Variants in ZDHHC8 observed in about 807,000 individuals in gnomAD.
The protein encoded by ZDHHC8 is zDHHC palmitoyltransferase 8.
In ZDHHC8, 24 loss-of-function variants were observed where a neutral mutation model predicts 61.2. That is an observed-to-expected ratio of 0.39 (90% CI 0.28 to 0.55). The LOEUF is 0.55. ZDHHC8 is among the 20% of genes least tolerant of loss of function. The pLI, the probability that ZDHHC8 is intolerant of heterozygous loss-of-function variation, is 0.60. For missense variants in ZDHHC8, 935 were observed against 1,102.1 expected, an observed-to-expected ratio of 0.85 and a Z score of 2.15; for synonymous variants, 523 against 492.5, an observed-to-expected ratio of 1.06 and a Z score of -0.82.
chr22:20,138,336 A>G (rs2050438757), intron 1 of ZDHHC8, among the ~76,000 whole-genome samples: 1 of 152,226 alleles, frequency 6.6e-6, no homozygotes, highest in Non-Finnish European at 1.5e-5. Context: ...GCCTGAGGCC[A>G]GAGGGGCTTC....
At chr22:20,140,249 A>G (rs1227388824) in intron 5 of ZDHHC8, 32 bp downstream of exon 5, 2 of 1,595,678 alleles carry the variant, frequency 1.3e-6, no homozygotes, top group Admixed American at 1.7e-5. Context: ...GGTGGCCCCA[A>G]AGGGCCGAGA....
Position 20,131,859 on chromosome 22 carries a change from C to T in ZDHHC8, c.-89C>T, listed in dbSNP as rs1439734958. 10 of 366,586 alleles carry T rather than the reference C, an allele frequency of 2.7e-5. No homozygotes were observed. Among genetic ancestry groups the T allele is most frequent in the Admixed American group, 6.7e-5 (1 of 15,014 alleles). The allele number at this position is 366,586 out of a possible 1,614,324, so 22.7% of individuals were successfully genotyped here. A position where few individuals can be genotyped will look rare whatever the true frequency, so the allele number is the denominator to read the frequency against. On this transcript the variant is annotated 5_prime_UTR_variant, in exon 1 of 11. Coordinates refer to ENST00000334554, the MANE Select transcript of ZDHHC8 (RefSeq NM_013373.4). The stretch of plus-strand genomic sequence containing the variant: ...CGCCGCCGCCGCGGGTCCTGCGCCG[C>T]GTCCAGCCCGCCCGCCCGACCCCGG...
At chr22:20,141,114 C>A in intron 7 of ZDHHC8, 102 bp downstream of exon 7, 2 of 1,588,774 alleles carry the variant, frequency 1.3e-6, no homozygotes, top group South Asian at 1.1e-5. Flanking sequence ...CAGACAGAGC[C>A]GTAGACAGAT....
rs1178677300 is a variant in ZDHHC8 at position 20,143,596 on chromosome 22, C to T, written c.1966C>T (p.Pro656Ser). 1.2e-6 allele frequency: 2 copies of T among 1,601,234 alleles called. No individual in the cohort carries two copies. The highest frequency in any genetic ancestry group is 1.7e-6 in the Non-Finnish European group (2 of 1,178,206). Residue 656 changes from proline to serine, a missense_variant, in exon 10 of 11, where the codon CCG (proline) becomes TCG (serine). Pro to Ser is a moderately conservative substitution (Grantham distance 74). Transcript: ENST00000334554. ...GGCTGATCAGGCCAGCAGCAACGCCCCGGGGCCCCGGCCCAGCAGTGGCTC... is the reference window on the plus strand; with the variant it reads ...GGCTGATCAGGCCAGCAGCAACGCCTCGGGGCCCCGGCCCAGCAGTGGCTC... The part of the protein sequence containing the change: ...LQADQASSNA[P>S]GPRPSSGSHR...
rs2050545970 is a variant in ZDHHC8, at chr22:20,147,907, A to G, written c.*2507A>G. 6.6e-6 allele frequency: 1 copy of G among 152,296 alleles called. No individual in the cohort carries two copies. The highest frequency in any genetic ancestry group is 1.5e-5 in the Non-Finnish European group (1 of 68,094). 9.4% of individuals were successfully genotyped at this position (152,296 alleles called of 1,614,324 possible). A position where few individuals can be genotyped will look rare whatever the true frequency, so the allele number is the denominator to read the frequency against. ...GGTCCACCCTGGGCTGTGGCTCTAC[A>G]TCTCCCATTTGGGGACGAGAAAGCC... On this transcript the variant is annotated 3_prime_UTR_variant, in exon 11 of 11. Coordinates refer to ENST00000334554, the MANE Select transcript of ZDHHC8 (RefSeq NM_013373.4).
At chr22:20,138,434 G>A (rs985517706) in intron 1 of ZDHHC8, among the ~76,000 whole-genome samples, 1 of 152,232 alleles carries the variant, frequency 6.6e-6, no homozygotes, top group African/African-American at 2.4e-5. Flanking sequence ...ACTCGGGCCA[G>A]GCCCGTTAAG....
Position 20,145,563 on chromosome 22 carries a change from C to G in ZDHHC8, c.*163C>G. On this transcript the variant is annotated 3_prime_UTR_variant, in exon 11 of 11. Coordinates refer to ENST00000334554, the MANE Select transcript of ZDHHC8 (RefSeq NM_013373.4). The stretch of plus-strand genomic sequence containing the variant: ...CCACGCCTCCACAGCTTGCCCCAAG[C>G]GCTCTGCCTGCCCGTCCACTCATCT... 1 of 1,281,200 alleles carries G rather than the reference C, an allele frequency of 7.8e-7. No homozygotes were observed. The highest frequency in any genetic ancestry group is 9.9e-7 in the Non-Finnish European group (1 of 1,013,600). 79.4% of individuals were successfully genotyped at this position (1,281,200 alleles called of 1,614,324 possible).
intron 1 of ZDHHC8, among the ~76,000 whole-genome samples, chr22:20,135,121 G>GT (rs76904323): frequency 0.043 from 6,423 of 150,510 alleles, 182 homozygotes; most frequent in South Asian, 0.1. Context: ...TTGTTTTTTT[G>GT]TTTTTTTTTA....
intron 1 of ZDHHC8, among the ~76,000 whole-genome samples, chr22:20,133,954 C>T (rs563344575): frequency 2.8e-4 from 43 of 152,274 alleles, no homozygotes; most frequent in African/African-American, 1.0e-3. Flanking sequence ...GTGAACCTGA[C>T]CCAGCCCTAG....
At chr22:20,137,962 C>T (rs1283826871) in intron 1 of ZDHHC8, among the ~76,000 whole-genome samples, 1 of 152,252 alleles carries the variant, frequency 6.6e-6, no homozygotes, top group Non-Finnish European at 1.5e-5. Context: ...GGAAGGGTAA[C>T]TTGGGCTCCC....
intron 4 of ZDHHC8, 72 bp downstream of exon 4, chr22:20,139,964 G>C (rs1490574676): frequency 1.9e-6 from 3 of 1,596,336 alleles, no homozygotes; most frequent in Non-Finnish European, 2.6e-6. Context: ...GGGAGATTGA[G>C]CCTCAGAAGG....
chr22:20,141,256 G>A lies in ZDHHC8; in HGVS notation c.934G>A (p.Asp312Asn), dbSNP rs753527206. The A allele has an allele frequency of 1.9e-6, 3 of 1,612,710 alleles. No homozygotes were observed. The highest frequency in any genetic ancestry group is 3.3e-5 in the Admixed American group (2 of 60,006). ...SLDRLDEKPL[D>N]LGPPLPPKIE... Reference sequence around the variant, plus strand: ...GGACCGGCTGGATGAGAAGCCACTGGACTTGGGGCCACCACTGCCCCCCAA... The same window carrying A: ...GGACCGGCTGGATGAGAAGCCACTGAACTTGGGGCCACCACTGCCCCCCAA... The change falls in exon 8 of 11, where the codon GAC (aspartate) becomes AAC (asparagine). Residue 312 changes from aspartate to asparagine, a missense_variant. Coordinates refer to ENST00000334554, the MANE Select transcript of ZDHHC8 (RefSeq NM_013373.4).
At chr22:20,136,697 T>C (rs1187996529) in intron 1 of ZDHHC8, among the ~76,000 whole-genome samples, 1 of 152,252 alleles carries the variant, frequency 6.6e-6, no homozygotes, top group Non-Finnish European at 1.5e-5. Flanking sequence ...CGTGTGCATG[T>C]CTGCATGCAA....
chr22:20,134,377 G>A (rs1173066681), intron 1 of ZDHHC8, among the ~76,000 whole-genome samples: 1 of 152,214 alleles, frequency 6.6e-6, no homozygotes, highest in East Asian at 1.9e-4. Flanking sequence ...GGGTTCTGTT[G>A]GGTCGGCTGG....
Position 20,146,176 on chromosome 22 carries a change from G to A in ZDHHC8, c.*776G>A. On this transcript the variant is annotated 3_prime_UTR_variant, in exon 11 of 11. Coordinates refer to ENST00000334554, the MANE Select transcript of ZDHHC8 (RefSeq NM_013373.4). ...CGGGAGCAGGCACGGGGGTGATGCT[G>A]CCACAGGGGGCTGGTGACACCCAGA... The A allele has an allele frequency of 2.0e-6, 2 of 985,654 alleles. No homozygotes were observed. Among genetic ancestry groups the A allele is most frequent in the South Asian group, 4.7e-5 (1 of 21,298 alleles). The allele number at this position is 985,654 out of a possible 1,614,324, so 61.1% of individuals were successfully genotyped here.
Position 20,139,716 on chromosome 22 carries a change from C to T in ZDHHC8, c.385-4C>T, listed in dbSNP as rs775675450. On this transcript the variant is annotated splice_region_variant and splice_polypyrimidine_tract_variant and intron_variant, in intron 3 of 10. Transcript: ENST00000334554. ...ATGTGCCCTGATGCACTGCTCCCGCCCAGGACTTTGACCACCACTGCCCCT... is the reference window on the plus strand; with the variant it reads ...ATGTGCCCTGATGCACTGCTCCCGCTCAGGACTTTGACCACCACTGCCCCT... 1 of 1,612,226 alleles carries T rather than the reference C, an allele frequency of 6.2e-7. No homozygotes were observed. Among genetic ancestry groups the T allele is most frequent in the Non-Finnish European group, 8.5e-7 (1 of 1,179,994 alleles).
At position 20,146,014 on chromosome 22, in the gene ZDHHC8, C is replaced by T. The variant is rs531895806; in HGVS notation, c.*614C>T. 9 of 985,992 alleles carry T rather than the reference C, an allele frequency of 9.1e-6. No homozygotes were observed. Among genetic ancestry groups the T allele is most frequent in the East Asian group, 1.1e-4 (1 of 8,818 alleles). 61.1% of individuals were successfully genotyped at this position (985,992 alleles called of 1,614,324 possible). Reference sequence around the variant, plus strand: ...AGCCAGCCAGCTGTGGCCGGGGGCCCGGCTCCATGTGTCCCGTGTCTGTGT... The same window carrying T: ...AGCCAGCCAGCTGTGGCCGGGGGCCTGGCTCCATGTGTCCCGTGTCTGTGT... On this transcript the variant is annotated 3_prime_UTR_variant, in exon 11 of 11. Coordinates refer to ENST00000334554, the MANE Select transcript of ZDHHC8 (RefSeq NM_013373.4).
chr22:20,140,326 G>A (rs2050457153), intron 5 of ZDHHC8, 109 bp downstream of exon 5: 2 of 1,152,678 alleles, frequency 1.7e-6, no homozygotes, highest in African/African-American at 1.5e-5. Flanking sequence ...TTGTGCAGCT[G>A]TGTTGAGACG....
In ZDHHC8 at chr22:20,131,826, G is replaced by A; in HGVS notation, c.-122G>A. The A allele has an allele frequency of 1.0e-5, 3 of 294,302 alleles. No homozygotes were observed. Among genetic ancestry groups the A allele is most frequent in the Middle Eastern group, 1.6e-3 (1 of 618 alleles). The allele number at this position is 294,302 out of a possible 1,614,324, so 18.2% of individuals were successfully genotyped here. On this transcript the variant is annotated 5_prime_UTR_variant, in exon 1 of 11. Coordinates refer to ENST00000334554, the MANE Select transcript of ZDHHC8 (RefSeq NM_013373.4). ...CCCGTGGGGTGGGATTTCCTCCGCCGCCGCCGCCGCCGCCGCCGCGGGTCC... is the reference window on the plus strand; with the variant it reads ...CCCGTGGGGTGGGATTTCCTCCGCCACCGCCGCCGCCGCCGCCGCGGGTCC...
Sources: allele counts gnomAD v4.1 joint callset (sites outside exome capture counted in the v4.1 genomes callset), GRCh38; gene constraint gnomAD v4.1.1; transcripts MANE v1.5; gene names NCBI Gene and HGNC (gene_info 2026-07-23, HGNC 2026-07-21).